NWD2: variants seen among roughly 807,000 people sequenced by gnomAD.
The protein encoded by NWD2 is NACHT and WD repeat domain containing 2.
In NWD2, 37 loss-of-function variants were observed where a neutral mutation model predicts 132.7. The ratio of observed to expected loss-of-function variants is 0.28; its 90% confidence interval spans 0.21 to 0.37. The LOEUF is 0.37. NWD2 is among the 10% of genes least tolerant of loss of function. The pLI is 1.00. For missense variants in NWD2, 1,592 were observed against 2,122.4 expected (o/e 0.75, Z 4.91); for synonymous variants, 705 against 803.0 (o/e 0.88, Z 2.06).
At chr4:37,274,601 T>A (rs568319068) in intron 1 of NWD2, among the ~76,000 whole-genome samples, 1 of 152,258 alleles carries the variant, frequency 6.6e-6, no homozygotes, top group African/African-American at 2.4e-5. Context: ...ATCATCCTGA[T>A]ACCAAAGCCT....
intron 1 of NWD2, among the ~76,000 whole-genome samples, chr4:37,279,598 G>A (rs1190902280): frequency 6.6e-6 from 1 of 152,100 alleles, no homozygotes; most frequent in African/African-American, 2.4e-5. Context: ...TATATATCTT[G>A]TTAGTGACAT....
At chr4:37,421,090 C>T (rs188118162) in intron 3 of NWD2, among the ~76,000 whole-genome samples, 35 of 152,192 alleles carry the variant, frequency 2.3e-4, no homozygotes, top group Non-Finnish European at 1.5e-4. Flanking sequence ...TACAGGTGCC[C>T]GCCACCATGC....
intron 1 of NWD2, among the ~76,000 whole-genome samples, chr4:37,307,650 A>G (rs1175144384): frequency 6.6e-6 from 1 of 152,130 alleles, no homozygotes; most frequent in Admixed American, 6.5e-5. Context: ...CCTGTATCTG[A>G]ATATCCATAT....
chr4:37,398,165 A>C (rs533615436), intron 3 of NWD2, among the ~76,000 whole-genome samples: 24 of 152,344 alleles, frequency 1.6e-4, no homozygotes, highest in African/African-American at 5.5e-4. Flanking sequence ...CTGGTACTTC[A>C]GTTAAGGCCA....
chr4:37,434,776 T>A (rs1712271728), intron 5 of NWD2, among the ~76,000 whole-genome samples: 1 of 122,038 alleles, frequency 8.2e-6, no homozygotes, highest in Non-Finnish European at 1.8e-5. Flanking sequence ...ATAGCTTTAC[T>A]TTTTTTTTTT....
At chr4:37,338,676 A>G (rs1719460169) in intron 2 of NWD2, among the ~76,000 whole-genome samples, 1 of 152,212 alleles carries the variant, frequency 6.6e-6, no homozygotes, top group Non-Finnish European at 1.5e-5. Context: ...GGCCTTACTA[A>G]TAATTTCTGA....
chr4:37,394,810 T>G (rs1284092229), intron 3 of NWD2, among the ~76,000 whole-genome samples: 4 of 121,430 alleles, frequency 3.3e-5, no homozygotes, highest in African/African-American at 1.3e-4. Flanking sequence ...TTTTTTTTTT[T>G]TTTTTTTTTT....
At chr4:37,300,806 T>C (rs1299306181) in intron 1 of NWD2, among the ~76,000 whole-genome samples, 1 of 152,130 alleles carries the variant, frequency 6.6e-6, no homozygotes, top group Non-Finnish European at 1.5e-5. Context: ...TTTAGGAGGT[T>C]TTAATTCTCA....
At chr4:37,394,872 G>A (rs1720755589) in intron 3 of NWD2, among the ~76,000 whole-genome samples, 1 of 131,330 alleles carries the variant, frequency 7.6e-6, no homozygotes, top group Non-Finnish European at 1.5e-5. Context: ...GTGTGCAGTG[G>A]TGCAATCTTG....
chr4:37,283,462 A>T (rs1718168388), intron 1 of NWD2, among the ~76,000 whole-genome samples: 1 of 152,208 alleles, frequency 6.6e-6, no homozygotes, highest in South Asian at 2.1e-4. Flanking sequence ...TATGATAATT[A>T]TAGGGGTCAA....
chr4:37,425,271 T>C (rs751688396), intron 3 of NWD2, among the ~76,000 whole-genome samples: 27 of 152,186 alleles, frequency 1.8e-4, no homozygotes, highest in Non-Finnish European at 3.7e-4. Flanking sequence ...CATTAGGAAG[T>C]GTTTATTATT....
chr4:37,351,109 A>G (rs758514406), intron 2 of NWD2, among the ~76,000 whole-genome samples: 3 of 152,054 alleles, frequency 2.0e-5, no homozygotes, highest in African/African-American at 4.8e-5. Flanking sequence ...TTTTTGCATC[A>G]GTGTTTGTCA....
Position 37,446,880 on chromosome 4 carries a change from T to G in NWD2, c.4892T>G (p.Ile1631Ser), listed in dbSNP as rs1186979267. Reference protein sequence around the residue: ...FLALSQRHLNIIVGFDDGSIG... With the variant: ...FLALSQRHLNSIVGFDDGSIG... ...GCACTCTCCCAGAGGCACCTGAACA[T>G]CATTGTGGGCTTTGATGATGGGAGT... The change falls in exon 7 of 7, where the codon ATC (isoleucine) becomes AGC (serine). Residue 1631 changes from isoleucine (I) to serine (S), a missense_variant. Around this residue, in one of 7 missense-constraint regions of NWD2, gnomAD observed 257 missense variants for 335.0 expected, o/e 0.77. Transcript: ENST00000309447. The surrounding 1 kb of genome is among the most constrained non-coding windows in gnomAD (Gnocchi z 6.7). 6.4e-7 allele frequency: 1 copy of G among 1,551,624 alleles called. No homozygotes were observed. Among genetic ancestry groups the G allele is most frequent in the Non-Finnish European group, 8.7e-7 (1 of 1,146,990 alleles).
At chr4:37,302,778 T>G (rs1275015574) in intron 1 of NWD2, among the ~76,000 whole-genome samples, 1 of 152,180 alleles carries the variant, frequency 6.6e-6, no homozygotes, top group African/African-American at 2.4e-5. Context: ...GAAATGTCTA[T>G]TCAGCTCATT....
At chr4:37,421,590 A>G (rs1164624602) in intron 3 of NWD2, among the ~76,000 whole-genome samples, 1 of 152,238 alleles carries the variant, frequency 6.6e-6, no homozygotes. Context: ...AAACTATAAT[A>G]TGATTTTGAG....
intron 3 of NWD2, among the ~76,000 whole-genome samples, chr4:37,412,105 A>G (rs1721171371): frequency 6.6e-6 from 1 of 152,200 alleles, no homozygotes; most frequent in African/African-American, 2.4e-5. Flanking sequence ...CATCACTCCT[A>G]TTCAACATAG....
intron 1 of NWD2, among the ~76,000 whole-genome samples, chr4:37,258,700 C>G (rs1032161831): frequency 2.6e-5 from 4 of 152,144 alleles, no homozygotes; most frequent in Non-Finnish European, 5.9e-5. Flanking sequence ...AGCCTGGTTT[C>G]CTGAATGTAG....
chr4:37,311,969 C>G (rs1332697610), intron 1 of NWD2, among the ~76,000 whole-genome samples: 1 of 151,104 alleles, frequency 6.6e-6, no homozygotes, highest in Non-Finnish European at 1.5e-5. Context: ...GAGGGCTCTG[C>G]TCTGTTCCAT....
intron 1 of NWD2, among the ~76,000 whole-genome samples, chr4:37,253,853 T>C (rs1717448799): frequency 6.6e-6 from 1 of 152,284 alleles, no homozygotes; most frequent in Admixed American, 6.5e-5. Context: ...AAATGGCAAA[T>C]GATGATTCTA....
Sources: gnomAD v4.1 joint callset for allele counts (sites outside exome capture counted in the v4.1 genomes callset) on GRCh38, gnomAD v4.1.1 for gene constraint, gnomAD v4.1.1 regional missense constraint, Gnocchi (gnomAD v3.1) non-coding constraint, MANE v1.5 for transcripts, NCBI Gene and HGNC (gene_info 2026-07-23, HGNC 2026-07-21) for gene names.